The following DTNB variants were observed in gnomAD, a reference collection of about 807,000 sequenced individuals.
DTNB encodes dystrobrevin beta, also known as DTN-B.
A neutral mutation model predicts 90.7 loss-of-function variants in DTNB; 63 were observed. The observed-to-expected ratio is 0.69, with a 90% CI of 0.57 to 0.86. DTNB has a LOEUF of 0.86. Ranked by LOEUF, DTNB falls within the 40% of genes least tolerant of loss-of-function variation. DTNB has a pLI of 0.00. For synonymous variants in DTNB, 277 were observed against 286.7 expected, an observed-to-expected ratio of 0.97 and a Z score of 0.34; for missense variants, 744 against 807.1, an observed-to-expected ratio of 0.92 and a Z score of 0.95.
At chr2:25,627,414 C>CA (rs577607502) in intron 4 of DTNB, among the ~76,000 whole-genome samples, 40 of 141,884 alleles carry the variant, frequency 2.8e-4, no homozygotes, top group Admixed American at 7.0e-4. Flanking sequence ...AACTCCATCT[C>CA]AAAAAAAAAA....
chr2:25,491,225 A>G (rs1002585526), intron 9 of DTNB, among the ~76,000 whole-genome samples: 3 of 151,940 alleles, frequency 2.0e-5, no homozygotes, highest in Non-Finnish European at 4.4e-5. Flanking sequence ...AGGAGAAACT[A>G]TGGTGTAGAA....
chr2:25,540,730 C>T (rs1170523527), intron 8 of DTNB, among the ~76,000 whole-genome samples: 2 of 152,124 alleles, frequency 1.3e-5, no homozygotes, highest in Middle Eastern at 3.2e-3. Flanking sequence ...TCCTGTTGAT[C>T]TATGACCTTA....
intron 4 of DTNB, among the ~76,000 whole-genome samples, chr2:25,621,550 G>C (rs995813180): frequency 6.7e-6 from 1 of 148,212 alleles, no homozygotes; most frequent in Non-Finnish European, 1.5e-5. Flanking sequence ...GGGTTCAAGC[G>C]ATTCTCCTGC....
At chr2:25,642,139 A>G (rs1260051866) in intron 2 of DTNB, among the ~76,000 whole-genome samples, 1 of 152,106 alleles carries the variant, frequency 6.6e-6, no homozygotes, top group African/African-American at 2.4e-5. Flanking sequence ...TTTATGAGTA[A>G]AAAGATATAA....
intron 2 of DTNB, among the ~76,000 whole-genome samples, chr2:25,640,567 G>A (rs2250563): frequency 0.48 from 71,968 of 151,274 alleles, 17,865 homozygotes; most frequent in East Asian, 0.79. Flanking sequence ...CTCTCTCTCT[G>A]TATTATACAG....
intron 19 of DTNB, chr2:25,383,593 T>G: frequency 2.8e-6 from 2 of 715,412 alleles, no homozygotes; most frequent in Non-Finnish European, 4.4e-6. Flanking sequence ...TTGTATCTAC[T>G]TCCTGTATCC....
At chr2:25,444,751 C>T (rs2058128990) in intron 12 of DTNB, among the ~76,000 whole-genome samples, 1 of 152,010 alleles carries the variant, frequency 6.6e-6, no homozygotes, top group African/African-American at 2.4e-5. Flanking sequence ...GGAAGAAGGT[C>T]TTTGAAAAAA....
intron 8 of DTNB, among the ~76,000 whole-genome samples, chr2:25,575,605 TTTTC>T (rs1559090258): frequency 6.6e-6 from 1 of 151,298 alleles, no homozygotes; most frequent in East Asian, 2.0e-4. Flanking sequence ...TGTTTTCCTT[TTTTC>T]TTTAATTCCT....
intron 1 of DTNB, among the ~76,000 whole-genome samples, chr2:25,658,268 A>G (rs1324177176): frequency 6.6e-6 from 1 of 151,928 alleles, no homozygotes; most frequent in Non-Finnish European, 1.5e-5. Flanking sequence ...AAAAAAAAAA[A>G]AAAGAAAAAA....
chr2:25,445,344 T>G (rs60354976), intron 12 of DTNB, among the ~76,000 whole-genome samples: 1,948 of 152,284 alleles, frequency 0.013, 49 homozygotes, highest in African/African-American at 0.045. Flanking sequence ...TCTATTCTGT[T>G]CCATTTCACT....
At chr2:25,613,374 G>GT (rs1250184521) in intron 4 of DTNB, among the ~76,000 whole-genome samples, 4 of 152,184 alleles carry the variant, frequency 2.6e-5, no homozygotes, top group Non-Finnish European at 5.9e-5. Flanking sequence ...TCAACAGTTA[G>GT]TTTTTCAACC....
intron 9 of DTNB, among the ~76,000 whole-genome samples, chr2:25,526,397 T>TTTA: frequency 1.5e-5 from 1 of 68,762 alleles, no homozygotes; most frequent in East Asian, 5.2e-4. Context: ...ATATATATAT[T>TTTA]TTTTTTTTTT....
At chr2:25,386,903 C>T (rs575791193) in intron 18 of DTNB, among the ~76,000 whole-genome samples, 1 of 152,300 alleles carries the variant, frequency 6.6e-6, no homozygotes, top group East Asian at 1.9e-4. Flanking sequence ...TGGCTGATTC[C>T]GCTCCAGACC....
At chr2:25,410,857 GGAGATCCT>G (rs1232295071) in intron 16 of DTNB, among the ~76,000 whole-genome samples, 4 of 151,874 alleles carry the variant, frequency 2.6e-5, no homozygotes, top group Admixed American at 2.0e-4. Context: ...ACAACCCTCA[GGAGATCCT>G]GAGAACACAT....
chr2:25,427,430 G>A (rs2052175635), intron 15 of DTNB, 105 bp downstream of exon 15: 1 of 1,104,362 alleles, frequency 9.1e-7, no homozygotes, highest in Non-Finnish European at 1.3e-6. Context: ...CTAGGCTAAA[G>A]TCAAGCCTTT....
At chr2:25,457,163 C>T (rs1371565493) in intron 10 of DTNB, among the ~76,000 whole-genome samples, 1 of 152,128 alleles carries the variant, frequency 6.6e-6, no homozygotes, top group Non-Finnish European at 1.5e-5. Context: ...GCGTGCGCCA[C>T]CACGCCCAGC....
chr2:25,497,714 C>G (rs1398885996), intron 9 of DTNB: 3 of 152,122 alleles, frequency 2.0e-5, no homozygotes, highest in Admixed American at 2.0e-4. Flanking sequence ...CAGGGTAGTC[C>G]CATCATGAGA....
intron 9 of DTNB, among the ~76,000 whole-genome samples, chr2:25,484,311 G>A (rs758301259): frequency 3.9e-5 from 6 of 152,166 alleles, no homozygotes; most frequent in Non-Finnish European, 8.8e-5. Flanking sequence ...CTCATATTTA[G>A]GTGCTTGGGA....
Position 25,419,538 on chromosome 2 carries a change from G to A in DTNB, c.1555-3C>T. 5.8e-6 allele frequency: 9 copies of A among 1,556,344 alleles called. No homozygotes were observed. The highest frequency in any genetic ancestry group is 7.8e-6 in the Non-Finnish European group (9 of 1,149,650). On this transcript the variant is annotated splice_region_variant and splice_polypyrimidine_tract_variant and intron_variant, in intron 15 of 20. Transcript: ENST00000406818. Reference sequence around the variant, plus strand: ...ACTGCCTGCTTTTGCTCTTCCTCCTGGAGTGTTGAAGATGAAAAAAAAAGG... The same window carrying A: ...ACTGCCTGCTTTTGCTCTTCCTCCTAGAGTGTTGAAGATGAAAAAAAAAGG...
Sources: gnomAD v4.1 joint callset for allele counts (sites outside exome capture counted in the v4.1 genomes callset) on GRCh38, gnomAD v4.1.1 for gene constraint, MANE v1.5 for transcripts, NCBI Gene and HGNC (gene_info 2026-07-23, HGNC 2026-07-21) for gene names.